The following SLC39A11 variants were observed in gnomAD, a reference collection of about 807,000 sequenced individuals.
SLC39A11 encodes zinc transporter ZIP11.
Under a neutral mutation model 36.1 loss-of-function variants are expected in SLC39A11, and 33 were observed. The ratio of observed to expected loss-of-function variants is 0.91; its 90% CI spans 0.69 to 1.22. SLC39A11 has a LOEUF of 1.22. SLC39A11 is among the 50% of genes most tolerant of loss of function. The pLI, the probability that SLC39A11 is intolerant of heterozygous loss-of-function variation, is 0.00. For missense variants in SLC39A11, 432 were observed against 430.3 expected (o/e 1.00, Z -0.03); for synonymous variants, 166 against 170.3 (o/e 0.97, Z 0.20).
intron 7 of SLC39A11, among the ~76,000 whole-genome samples, chr17:72,733,247 T>C (rs1178128588): frequency 6.6e-6 from 1 of 152,238 alleles, no homozygotes; most frequent in Non-Finnish European, 1.5e-5. Flanking sequence ...AGTCCTTGGC[T>C]GTGTAGTAAA....
chr17:72,913,427 G>C (rs17183190), intron 5 of SLC39A11, among the ~76,000 whole-genome samples: 23,415 of 152,146 alleles, frequency 0.15, 2,171 homozygotes, highest in South Asian at 0.27. Flanking sequence ...GAAGTAAAGA[G>C]GAAGGAAAAA....
At chr17:73,031,529 G>A (rs756463248) in intron 4 of SLC39A11, 27 bp downstream of exon 4, 19 of 1,611,834 alleles carry the variant, frequency 1.2e-5, no homozygotes, top group East Asian at 2.2e-5. Flanking sequence ...ATCCCGATAC[G>A]ACAGCTAAAA....
chr17:72,693,852 C>T (rs968083557), intron 7 of SLC39A11, among the ~76,000 whole-genome samples: 25 of 152,134 alleles, frequency 1.6e-4, no homozygotes, highest in African/African-American at 5.8e-4. Flanking sequence ...TTAGTAGAGA[C>T]GGGGTTTCAC....
intron 3 of SLC39A11, among the ~76,000 whole-genome samples, chr17:73,077,889 CTTGTT>C (rs1213014056): frequency 2.0e-5 from 3 of 152,076 alleles, no homozygotes; most frequent in Non-Finnish European, 4.4e-5. Flanking sequence ...TGTTTCCTTT[CTTGTT>C]TTATTTTGGT....
At position 72,750,484 on chromosome 17, in the gene SLC39A11, G is replaced by A. The variant is rs550702852; in HGVS notation, c.602-13765C>T. On this transcript the variant is annotated intron_variant, in intron 6 of 9. Transcript: ENST00000255559. ...TTTTGTAATTTGCATGTTCTTGAGG[G>A]CCTAAAAAAACTGGAGGAAAGGATT... 2.1e-5 allele frequency among the ~76,000 whole-genome samples: 3 copies of A among 143,566 alleles called. No individual in the cohort carries two copies. The East Asian group carries it at 6.1e-4, about 29-fold the overall frequency. The allele number at this position is 143,566 out of a possible 152,430, so 94.2% of individuals were successfully genotyped here.
intron 4 of SLC39A11, among the ~76,000 whole-genome samples, chr17:72,999,807 C>A (rs904839976): frequency 5.3e-5 from 8 of 152,188 alleles, no homozygotes; most frequent in African/African-American, 9.7e-5. Context: ...GTGGTGCGAT[C>A]TCAGCTCACT....
At chr17:72,916,684 A>C (rs2083351549) in intron 5 of SLC39A11, among the ~76,000 whole-genome samples, 1 of 152,128 alleles carries the variant, frequency 6.6e-6, no homozygotes, top group South Asian at 2.1e-4. Context: ...AGTTCGAGAG[A>C]TACATCCCAG....
At chr17:73,012,414 C>T (rs1000699858) in intron 4 of SLC39A11, among the ~76,000 whole-genome samples, 4 of 152,164 alleles carry the variant, frequency 2.6e-5, no homozygotes, top group Admixed American at 2.6e-4. Context: ...CCCATATACA[C>T]CTACTACGCA....
chr17:72,782,266 A>AG lies in SLC39A11; in HGVS notation c.602-45548dup, dbSNP rs199532929. Among the ~76,000 whole-genome samples the AG allele has an allele frequency of 9.2e-3, 1,402 of 152,232 alleles. 21 individuals carry two copies. The highest frequency in any genetic ancestry group is 0.032 in the African/African-American group (1,328 of 41,528). Reference sequence around the variant, plus strand: ...ACTTGCTGCACCCCCAGAAGCTGGGAGGGGGCATGGAAAGGATTCTCCCTC... The same window carrying AG: ...ACTTGCTGCACCCCCAGAAGCTGGGAGGGGGGCATGGAAAGGATTCTCCCTC... On this transcript the variant is annotated intron_variant, in intron 6 of 9. Coordinates refer to ENST00000255559, the MANE Select transcript of SLC39A11 (RefSeq NM_139177.4).
At chr17:73,041,257 A>G (rs1003136902) in intron 3 of SLC39A11, among the ~76,000 whole-genome samples, 1 of 152,234 alleles carries the variant, frequency 6.6e-6, no homozygotes, top group African/African-American at 2.4e-5. Context: ...TCAGAAGGAA[A>G]GGAAGAGGAC....
At chr17:72,971,089 C>T (rs2095408293) in intron 4 of SLC39A11, among the ~76,000 whole-genome samples, 1 of 152,182 alleles carries the variant, frequency 6.6e-6, no homozygotes, top group Admixed American at 6.5e-5. Context: ...CTTGTTTCTC[C>T]AATTCCCTGC....
At chr17:72,868,484 G>A (rs1026257469) in intron 5 of SLC39A11, among the ~76,000 whole-genome samples, 30 of 151,958 alleles carry the variant, frequency 2.0e-4, no homozygotes, top group African/African-American at 5.1e-4. Flanking sequence ...ATGTGTCTAC[G>A]GAAAATCTTC....
intron 4 of SLC39A11, among the ~76,000 whole-genome samples, chr17:72,953,953 G>C (rs369927395): frequency 1.3e-5 from 2 of 152,198 alleles, no homozygotes; most frequent in Admixed American, 6.5e-5. Context: ...GGGGAGCTCT[G>C]TTCATTTTGT....
intron 5 of SLC39A11, among the ~76,000 whole-genome samples, chr17:72,917,902 T>G (rs1032553172): frequency 6.6e-6 from 1 of 152,222 alleles, no homozygotes; most frequent in East Asian, 1.9e-4. Context: ...GGAAGGTCTC[T>G]GATGAGGTGA....
At chr17:73,039,859 T>G (rs964016115) in intron 3 of SLC39A11, among the ~76,000 whole-genome samples, 3 of 152,160 alleles carry the variant, frequency 2.0e-5, no homozygotes, top group African/African-American at 7.2e-5. Flanking sequence ...CCAAAGAGAT[T>G]CAGTGGCTTT....
At chr17:73,024,811 C>T (rs2058474049) in intron 4 of SLC39A11, among the ~76,000 whole-genome samples, 1 of 151,030 alleles carries the variant, frequency 6.6e-6, no homozygotes, top group African/African-American at 2.4e-5. Flanking sequence ...GATTCTGCTG[C>T]CTTAGCCTCC....
chr17:72,672,668 T>C (rs1182437354), intron 7 of SLC39A11, among the ~76,000 whole-genome samples: 1 of 152,170 alleles, frequency 6.6e-6, no homozygotes, highest in Non-Finnish European at 1.5e-5. Flanking sequence ...GACACTATCA[T>C]GGCTCACTGC....
intron 7 of SLC39A11, among the ~76,000 whole-genome samples, chr17:72,715,535 A>C (rs2567501): frequency 0.43 from 65,589 of 152,044 alleles, 18,377 homozygotes; most frequent in African/African-American, 0.81. Flanking sequence ...GTGAAATAGG[A>C]CGGACACAAA....
intron 5 of SLC39A11, among the ~76,000 whole-genome samples, chr17:72,925,001 CAA>C (rs933053304): frequency 0.017 from 1,183 of 68,884 alleles, 13 homozygotes; most frequent in African/African-American, 0.046. Context: ...GACTCCATTT[CAA>C]AAAAAAAAAA....
Sources: gnomAD v4.1 joint callset for allele counts (sites outside exome capture counted in the v4.1 genomes callset) on GRCh38, gnomAD v4.1.1 for gene constraint, MANE v1.5 for transcripts, NCBI Gene and HGNC (gene_info 2026-07-23, HGNC 2026-07-21) for gene names.